Variants in PLCG2 observed in about 807,000 individuals in gnomAD.
The protein encoded by PLCG2 is phospholipase C gamma 2.
A neutral mutation model predicts 175.6 loss-of-function variants in PLCG2; 69 were observed. That is an observed-to-expected ratio of 0.39 (90% CI 0.32 to 0.48). PLCG2 has a LOEUF of 0.48. Ranked by LOEUF, PLCG2 falls within the 20% of genes least tolerant of loss-of-function variation. The pLI, the probability that PLCG2 is intolerant of heterozygous loss-of-function variation, is 0.91. For missense variants in PLCG2, 1,798 were observed against 1,650.9 expected (o/e 1.09, Z -1.54); for synonymous variants, 827 against 624.0 (o/e 1.33, Z -4.85).
At chr16:81,856,020 G>A (rs1393009631) in intron 3 of PLCG2, among the ~76,000 whole-genome samples, 2 of 152,134 alleles carry the variant, frequency 1.3e-5, no homozygotes, top group African/African-American at 2.4e-5. Flanking sequence ...AGAAGAACCC[G>A]GGTCTTGGAA....
At chr16:81,926,545 T>C (rs1023358878) in intron 22 of PLCG2, among the ~76,000 whole-genome samples, 2 of 152,184 alleles carry the variant, frequency 1.3e-5, no homozygotes, top group African/African-American at 4.8e-5. Flanking sequence ...CACTATTGAG[T>C]ATTTACTGTG....
intron 2 of PLCG2, among the ~76,000 whole-genome samples, chr16:81,817,577 G>T (rs1463274616): frequency 6.6e-6 from 1 of 152,190 alleles, no homozygotes. Flanking sequence ...AACTGCACCT[G>T]GCCTTCCAGA....
Position 81,740,807 on chromosome 16 carries a change from G to C in PLCG2, c.-145+1422G>C, listed in dbSNP as rs1909577320. The stretch of plus-strand genomic sequence containing the variant: ...ACCAAAGCTTCCTCTTCCCACTGTG[G>C]GTGCAGAGGCCTGGGGCTGTGGTCA... On this transcript the variant is annotated intron_variant, in intron 1 of 5. Transcript: ENST00000565054. Among the ~76,000 whole-genome samples, 5 of 149,650 alleles carry C rather than the reference G, an allele frequency of 3.3e-5. No homozygotes were observed. The South Asian group carries it at 1.1e-3, about 32-fold the overall frequency.
intron 25 of PLCG2, among the ~76,000 whole-genome samples, chr16:81,931,876 C>T (rs540725737): frequency 2.0e-5 from 3 of 152,238 alleles, no homozygotes; most frequent in East Asian, 1.9e-4. Flanking sequence ...TTGTCTGGTT[C>T]GAACCTTCAG....
At chr16:81,928,532 G>T in intron 23 of PLCG2, 26 bp from the exon 24 acceptor site, 2 of 1,471,616 alleles carry the variant, frequency 1.4e-6, no homozygotes, top group Non-Finnish European at 1.9e-6. Context: ...TACAACTAAC[G>T]TGAGTTATGT....
At chr16:81,827,127 G>A (rs77687047) in intron 2 of PLCG2, among the ~76,000 whole-genome samples, 3,803 of 152,002 alleles carry the variant, frequency 0.025, 52 homozygotes, top group Middle Eastern at 0.034. Flanking sequence ...CTCAGGGGAT[G>A]CCCCTCAACG....
At chr16:81,805,770 TTTTTTTTTTTTTG>T (rs1419750749) in intron 2 of PLCG2, among the ~76,000 whole-genome samples, 10 of 88,110 alleles carry the variant, frequency 1.1e-4, no homozygotes, top group Non-Finnish European at 2.5e-4. Context: ...TTGTTTTGTT[TTTTTTTTTTTTTG>T]TTTTTTTTTT....
At chr16:81,809,903 T>G (rs969664043) in intron 2 of PLCG2, among the ~76,000 whole-genome samples, 1 of 151,788 alleles carries the variant, frequency 6.6e-6, no homozygotes, top group Non-Finnish European at 1.5e-5. Context: ...AGATGCATAC[T>G]GTGTAGCTCA....
rs1597118397 is a variant in PLCG2, at chr16:81,900,547, T to G, written c.1194-65T>G. 1.8e-5 allele frequency: 26 copies of G among 1,450,262 alleles called. No individual in the cohort carries two copies. In the East Asian group the frequency reaches 6.2e-4, roughly 35 times the overall value. The allele number at this position is 1,450,262 out of a possible 1,614,324, so 89.8% of individuals were successfully genotyped here. A position where few individuals can be genotyped will look rare whatever the true frequency, so the allele number is the denominator to read the frequency against. On this transcript the variant is annotated intron_variant, in intron 13 of 32. Transcript: ENST00000564138. ...CGTCCCAGGGAGCTGCCCTGGCCCC[T>G]CTGTGGGGCAGATGCAGAGGTGTGT...
intron 2 of PLCG2, among the ~76,000 whole-genome samples, chr16:81,838,416 A>G (rs980279794): frequency 1.3e-5 from 2 of 152,210 alleles, no homozygotes; most frequent in Non-Finnish European, 2.9e-5. Flanking sequence ...TTATTAAAAT[A>G]TAACTTGCAG....
At chr16:81,749,743 G>T in intron 1 of PLCG2, among the ~76,000 whole-genome samples, 1 of 152,212 alleles carries the variant, frequency 6.6e-6, no homozygotes, top group East Asian at 1.9e-4. Context: ...TGTCAAAATT[G>T]TTTTGGTATG....
chr16:81,807,056 C>T (rs1439351112), intron 2 of PLCG2, among the ~76,000 whole-genome samples: 1 of 152,210 alleles, frequency 6.6e-6, no homozygotes, highest in African/African-American at 2.4e-5. Context: ...GTCGTCCATT[C>T]TACCTTCTCG....
intron 2 of PLCG2, among the ~76,000 whole-genome samples, chr16:81,805,654 C>T (rs1663905023): frequency 6.6e-6 from 1 of 151,936 alleles, no homozygotes; most frequent in African/African-American, 2.4e-5. Context: ...AATGCTTTGC[C>T]ATCCATGTCT....
Position 81,859,104 on chromosome 16 carries a change from A to C in PLCG2, c.432-12A>C. The C allele has an allele frequency of 6.5e-7, 1 of 1,536,924 alleles. No individual in the cohort carries two copies. Among genetic ancestry groups the C allele is most frequent in the Middle Eastern group, 1.7e-4 (1 of 5,910 alleles). The stretch of plus-strand genomic sequence containing the variant: ...TCTTTCTCTCTTTCTTTTGTCTCAT[A>C]TTTCTTTCCAGTTGGCTGAGAAAGC... On this transcript the variant is annotated splice_polypyrimidine_tract_variant and intron_variant, in intron 4 of 32. Transcript: ENST00000564138.
At chr16:81,740,138 C>CAAAAAAAAAAAAAAAAAA (rs5818349) in intron 1 of PLCG2, 1 of 88,728 alleles carries the variant, frequency 1.1e-5, no homozygotes, top group Non-Finnish European at 2.1e-5. Context: ...ACTCTGTCTC[C>CAAAAAAAAAAAAAAAAAA]AAAAAAAAAA....
chr16:81,916,836 C>T (rs536448281), intron 19 of PLCG2, among the ~76,000 whole-genome samples: 4 of 152,222 alleles, frequency 2.6e-5, no homozygotes, highest in African/African-American at 9.6e-5. Context: ...TGGGGTTTCA[C>T]CATGTTGGCC....
intron 5 of PLCG2, among the ~76,000 whole-genome samples, chr16:81,862,459 C>A (rs1196268936): frequency 6.6e-6 from 1 of 152,196 alleles, no homozygotes; most frequent in Non-Finnish European, 1.5e-5. Context: ...GACACTGAGG[C>A]CCAGAGAGGT....
At chr16:81,804,879 A>G (rs1911921398) in intron 2 of PLCG2, among the ~76,000 whole-genome samples, 1 of 152,204 alleles carries the variant, frequency 6.6e-6, no homozygotes, top group African/African-American at 2.4e-5. Context: ...AGTATTGAGC[A>G]TCTGCCATGT....
rs1238662105 is a variant in PLCG2 at position 81,891,307 on chromosome 16, C to T, written c.868-165C>T. On this transcript the variant is annotated intron_variant, in intron 10 of 32. Transcript: ENST00000564138. ...ATATGTCGCTGCAGCCCATTGCAGC[C>T]TGAGCCTTCGGTATTGAAAACGTGG... 3.3e-5 allele frequency among the ~76,000 whole-genome samples: 5 copies of T among 152,310 alleles called. No individual in the cohort carries two copies. In the South Asian group the frequency reaches 1.0e-3, roughly 32 times the overall value.
Sources: allele counts gnomAD v4.1 joint callset (sites outside exome capture counted in the v4.1 genomes callset), GRCh38; gene constraint gnomAD v4.1.1; transcripts MANE v1.5; gene names NCBI Gene and HGNC (gene_info 2026-07-23, HGNC 2026-07-21).